Variants in C1QBP observed in about 807,000 individuals in gnomAD.
C1QBP encodes the protein complement component 1 Q subcomponent-binding protein, mitochondrial.
In C1QBP, 24 loss-of-function variants were observed where a neutral mutation model predicts 29.4. The ratio of observed to expected loss-of-function variants is 0.82; its 90% CI spans 0.59 to 1.15. The LOEUF (loss-of-function observed/expected upper bound fraction) is 1.15, where lower values mean the gene tolerates loss of function less well. Ranked by LOEUF, C1QBP falls within the 50% of genes most tolerant of loss-of-function variation. The probability of loss-of-function intolerance (pLI) is 0.00; values close to 1 mark genes in which losing one functional copy is unlikely to be tolerated. For synonymous variants in C1QBP, 182 were observed against 149.2 expected (o/e 1.22, Z -1.60); for missense variants, 337 against 355.8 (o/e 0.95, Z 0.43).
At chr17:5,433,566 G>A (rs987737535) in intron 4 of C1QBP, 103 bp downstream of exon 4, 7 of 1,525,738 alleles carry the variant, frequency 4.6e-6, no homozygotes, top group Admixed American at 1.7e-5. Context: ...GCTGGTCTAA[G>A]CTAGAAAAGT....
rs1916328928 is a variant in C1QBP at position 5,438,263 on chromosome 17, A to G, written c.243T>C (p.Ala81=). 1.2e-6 allele frequency: 2 copies of G among 1,613,582 alleles called. No homozygotes were observed. The highest frequency in any genetic ancestry group is 1.7e-6 in the Non-Finnish European group (2 of 1,179,830). The change falls in exon 2 of 6, where the codon GCT becomes GCC. Residue 81 remains alanine (A), a synonymous_variant. Coordinates refer to ENST00000225698, the MANE Select transcript of C1QBP (RefSeq NM_001212.4). ...CGSLHTDGDK[A]FVDFLSDEIK... The stretch of plus-strand genomic sequence containing the variant: ...TTTCATCACTCAGGAAATCAACAAA[A>G]GCTTTGTCTCCTAGAAAAGAAATCC...
chr17:5,433,008 G>C lies in C1QBP; in HGVS notation c.*7C>G. 6.2e-7 allele frequency: 1 copy of C among 1,608,316 alleles called. No individual in the cohort carries two copies. Among genetic ancestry groups the C allele is most frequent in the Non-Finnish European group, 8.5e-7 (1 of 1,178,094 alleles). ...CATGAAACTATGGCTTTCAGCATCT[G>C]TCTGCTCTACTGGCTCTTGACAAAA... On this transcript the variant is annotated 3_prime_UTR_variant, in exon 6 of 6. Transcript: ENST00000225698.
intron 2 of C1QBP, among the ~76,000 whole-genome samples, chr17:5,435,956 G>T (rs920001083): frequency 6.9e-6 from 1 of 145,738 alleles, no homozygotes; most frequent in African/African-American, 2.6e-5. Flanking sequence ...TGAGGCAGGA[G>T]AATTGCTTGA....
At chr17:5,433,992 C>T in intron 3 of C1QBP, 1 of 575,714 alleles carries the variant, frequency 1.7e-6, no homozygotes. Flanking sequence ...AATGTGGATA[C>T]CAGCCTCAGC....
At chr17:5,437,946 G>A (rs1175054000) in intron 2 of C1QBP, among the ~76,000 whole-genome samples, 177 bp downstream of exon 2, 1 of 152,188 alleles carries the variant, frequency 6.6e-6, no homozygotes, top group Non-Finnish European at 1.5e-5. Flanking sequence ...GCAAATTTGT[G>A]TTCGGTGAAT....
chr17:5,437,336 AATTT>A (rs960984800), intron 2 of C1QBP, among the ~76,000 whole-genome samples: 1 of 152,180 alleles, frequency 6.6e-6, no homozygotes, highest in Non-Finnish European at 1.5e-5. Context: ...AAGGAAATTC[AATTT>A]ATTTATTTAT....
At position 5,433,056 on chromosome 17, in the gene C1QBP, T is replaced by C; in HGVS notation, c.808A>G (p.Thr270Ala). Residue 270 changes from threonine (T) to alanine (A), a missense_variant, in exon 6 of 6, where the codon ACT (threonine) becomes GCT (alanine). By Grantham distance (58) the Thr-to-Ala change is moderately conservative. Transcript: ENST00000225698. ...AAACTCTTGAGGTCTTCAAGAAAAGTAATGTACTCCTGGTGCTCCAGGGCT... is the reference window on the plus strand; with the variant it reads ...AAACTCTTGAGGTCTTCAAGAAAAGCAATGTACTCCTGGTGCTCCAGGGCT... ...STALEHQEYI[T>A]FLEDLKSFVK... The C allele has an allele frequency of 2.5e-6, 4 of 1,614,032 alleles. No individual in the cohort carries two copies. The highest frequency in any genetic ancestry group is 2.5e-6 in the Non-Finnish European group (3 of 1,179,996).
In C1QBP at chr17:5,434,957, G is replaced by GACCGTGATCC. The variant is rs1280208843; in HGVS notation, c.392_393insGGATCACGGT (p.Thr132AspfsTer8). On this transcript the variant is annotated frameshift_variant, in exon 3 of 6. Transcript: ENST00000225698. LOFTEE classifies it high-confidence loss of function. ...GGATGCTGTTGTTAATGTTGAAAGT[G>GACCGTGATCC]ACCGTGATTCTAAAACGGCAAGGGA... The GACCGTGATCC allele has an allele frequency of 6.2e-7, 1 of 1,613,876 alleles. No homozygotes were observed. The highest frequency in any genetic ancestry group is 1.1e-5 in the South Asian group (1 of 91,048).
At chr17:5,435,181 C>T (rs1916237553) in intron 2 of C1QBP, among the ~76,000 whole-genome samples, 1 of 152,186 alleles carries the variant, frequency 6.6e-6, no homozygotes, top group African/African-American at 2.4e-5. Flanking sequence ...GTGTGCCTAC[C>T]ATGTACCAGC....
At chr17:5,437,769 A>T (rs1210268381) in intron 2 of C1QBP, among the ~76,000 whole-genome samples, 1 of 152,240 alleles carries the variant, frequency 6.6e-6, no homozygotes, top group Non-Finnish European at 1.5e-5. Flanking sequence ...CCCTTACTAC[A>T]GTGTAACCCC....
chr17:5,433,280 A>G lies in C1QBP; in HGVS notation c.699+13T>C. ...AAGGCCCAAAAGGTTCCCCCACCTT[A>G]TCAAGCACTCACCCAGTCCAAGGAA... On this transcript the variant is annotated intron_variant, in intron 5 of 5. Coordinates refer to ENST00000225698, the MANE Select transcript of C1QBP (RefSeq NM_001212.4). 1 of 1,614,126 alleles carries G rather than the reference A, an allele frequency of 6.2e-7. No homozygotes were observed. The highest frequency in any genetic ancestry group is 8.5e-7 in the Non-Finnish European group (1 of 1,180,020).
Position 5,434,173 on chromosome 17 carries a change from G to A in C1QBP, c.478-406C>T, listed in dbSNP as rs41307956. On this transcript the variant is annotated intron_variant, in intron 3 of 5. Transcript: ENST00000225698. Reference sequence around the variant, plus strand: ...GGCTGGGGAACCTGGCCATCCTTATGGCTGAATAACAGCAGCAGCTTTTCC... The same window carrying A: ...GGCTGGGGAACCTGGCCATCCTTATAGCTGAATAACAGCAGCAGCTTTTCC... 427 of 210,768 alleles carry A rather than the reference G, an allele frequency of 2.0e-3. 1 individual carries two copies. Among genetic ancestry groups the A allele is most frequent in the African/African-American group, 8.5e-3 (365 of 42,890 alleles). The allele number at this position is 210,768 out of a possible 1,614,324, so 13.1% of individuals were successfully genotyped here. A position where few individuals can be genotyped will look rare whatever the true frequency, so the allele number is the denominator to read the frequency against.
Position 5,439,026 on chromosome 17 carries a change from G to C in C1QBP, c.48C>G (p.Val16=), listed in dbSNP as rs1280595818. ...CGGGCGCGGCAGCGCGGAGGCCGGCGACGGAGGAGCCCAGCACACGGGGCA... is the reference window on the plus strand; with the variant it reads ...CGGGCGCGGCAGCGCGGAGGCCGGCCACGGAGGAGCCCAGCACACGGGGCA... ...RCVPRVLGSS[V]AGLRAAAPAS... is the part of the protein sequence containing the mutation. The change falls in exon 1 of 6, where the codon GTC becomes GTG. Residue 16 remains valine, a synonymous_variant. Coordinates refer to ENST00000225698, the MANE Select transcript of C1QBP (RefSeq NM_001212.4). 9.9e-6 allele frequency: 15 copies of C among 1,508,978 alleles called. No homozygotes were observed. The highest frequency in any genetic ancestry group is 2.3e-4 in the Middle Eastern group (1 of 4,258). 93.5% of individuals were successfully genotyped at this position (1,508,978 alleles called of 1,614,324 possible).
rs373092638 is a variant in C1QBP at position 5,438,111 on chromosome 17, A to G, written c.383+12T>C. 1.4e-5 allele frequency: 23 copies of G among 1,611,460 alleles called. No individual in the cohort carries two copies. The African/African-American group carries it at 2.8e-4, about 20-fold the overall frequency. On this transcript the variant is annotated intron_variant, in intron 2 of 5. Transcript: ENST00000225698. ...GGAGTTGCTGCCCTGGGATCCCCAG[A>G]CCAGTACTTACTTTTCCCCGGCAAC...
At chr17:5,438,724 T>C in intron 1 of C1QBP, 118 bp downstream of exon 1, 4 of 1,539,694 alleles carry the variant, frequency 2.6e-6, no homozygotes, top group Non-Finnish European at 3.5e-6. Context: ...TTTAGCCCGC[T>C]GGTTGCCAAT....
Position 5,433,143 on chromosome 17 carries a change from C to A in C1QBP, c.721G>T (p.Asp241Tyr), listed in dbSNP as rs754919597. The A allele has an allele frequency of 6.2e-7, 1 of 1,613,938 alleles. No individual in the cohort carries two copies. The highest frequency in any genetic ancestry group is 1.1e-5 in the South Asian group (1 of 91,038). The change falls in exon 6 of 6, where the codon GAT becomes TAT. Residue 241 changes from aspartate to tyrosine, a missense_variant. Coordinates refer to ENST00000225698, the MANE Select transcript of C1QBP (RefSeq NM_001212.4). ...LDWALYDHLM[D>Y]FLADRGVDNT... The stretch of plus-strand genomic sequence containing the variant: ...TCCACCCCTCGGTCGGCAAGGAAAT[C>A]CATTAGGTGGTCATATAAGGCCTGC...
chr17:5,438,485 G>A, intron 1 of C1QBP: 1 of 701,752 alleles, frequency 1.4e-6, no homozygotes, highest in Non-Finnish European at 2.3e-6. Flanking sequence ...AACAATGAAC[G>A]CATTACCACT....
chr17:5,437,205 G>A (rs1916297063), intron 2 of C1QBP, among the ~76,000 whole-genome samples: 1 of 152,080 alleles, frequency 6.6e-6, no homozygotes, highest in South Asian at 2.1e-4. Context: ...AATTCTGCGA[G>A]GACTAAGAAC....
rs1916355010 is a variant in C1QBP, at chr17:5,439,068, C to G, written c.6G>C (p.Leu2=). Residue 2 remains leucine, a synonymous_variant, in exon 1 of 6, where the codon CTG becomes CTC. Transcript: ENST00000225698. The part of the protein sequence containing the change: M[L]PLLRCVPRVL... ...CACGGGGCACGCAGCGCAGCAGAGG[C>G]AGCATCGCGGAAACGACTGCGAACA... The G allele has an allele frequency of 2.6e-6, 4 of 1,540,242 alleles. No homozygotes were observed. Among genetic ancestry groups the G allele is most frequent in the South Asian group, 1.2e-5 (1 of 83,860 alleles).
Sources: allele counts gnomAD v4.1 joint callset (sites outside exome capture counted in the v4.1 genomes callset), GRCh38; gene constraint gnomAD v4.1.1; transcripts MANE v1.5; gene names NCBI Gene and HGNC (gene_info 2026-07-23, HGNC 2026-07-21).